Variants in DPP6 observed in about 807,000 individuals in gnomAD.
DPP6 encodes A-type potassium channel modulatory protein DPP6.
Under a neutral mutation model 122.6 loss-of-function variants are expected in DPP6, and 69 were observed. That is an observed-to-expected ratio of 0.56 (90% confidence interval 0.46 to 0.69). The LOEUF (loss-of-function observed/expected upper bound fraction) is 0.69. Among genes scored for constraint, DPP6 ranks in the 30% least tolerant of loss-of-function variants. The pLI, the probability that DPP6 is intolerant of heterozygous loss-of-function variation, is 0.00. For synonymous variants in DPP6, 418 were observed against 433.1 expected (o/e 0.97, Z 0.43); for missense variants, 928 against 1,116.9 (o/e 0.83, Z 2.41).
intron 1 of DPP6, among the ~76,000 whole-genome samples, chr7:154,006,097 T>G (rs1363453500): frequency 6.6e-6 from 1 of 152,042 alleles, no homozygotes; most frequent in Non-Finnish European, 1.5e-5. Context: ...ACCTTACTGA[T>G]AGGTTAGTGC....
At chr7:154,778,034 C>G (rs563677387) in intron 10 of DPP6, among the ~76,000 whole-genome samples, 4 of 152,274 alleles carry the variant, frequency 2.6e-5, no homozygotes, top group African/African-American at 9.6e-5. Flanking sequence ...AACTTTAGTC[C>G]CTACTCCCAT....
At chr7:154,201,252 C>T (rs1357985506) in intron 1 of DPP6, among the ~76,000 whole-genome samples, 1 of 152,158 alleles carries the variant, frequency 6.6e-6, no homozygotes, top group Non-Finnish European at 1.5e-5. Context: ...CTCAGCCTGC[C>T]GAGTAGCTGG....
At chr7:154,794,882 G>A (rs1459420630) in intron 11 of DPP6, among the ~76,000 whole-genome samples, 1 of 4,944 alleles carries the variant, frequency 2.0e-4, no homozygotes, top group African/African-American at 6.4e-4. Flanking sequence ...ATACATTCAG[G>A]CAGGCCTTTC....
At chr7:154,388,300 T>C (rs1398193736) in intron 1 of DPP6, among the ~76,000 whole-genome samples, 2 of 152,154 alleles carry the variant, frequency 1.3e-5, no homozygotes, top group Non-Finnish European at 1.5e-5. Flanking sequence ...AAATATATAG[T>C]GATTGAATGA....
the DPP6 span, among the ~76,000 whole-genome samples, chr7:153,774,402 A>C: frequency 1.3e-5 from 2 of 152,194 alleles, no homozygotes; most frequent in African/African-American, 4.8e-5. Context: ...ATGATTCTAG[A>C]ACAAATCAGC....
At chr7:154,041,575 G>A (rs1799766738) in intron 1 of DPP6, among the ~76,000 whole-genome samples, 2 of 152,202 alleles carry the variant, frequency 1.3e-5, no homozygotes, top group African/African-American at 2.4e-5. Context: ...AACCAGGTGT[G>A]CAGTGTGTCC....
chr7:154,249,805 T>G (rs1193541222), intron 1 of DPP6, among the ~76,000 whole-genome samples: 1 of 152,112 alleles, frequency 6.6e-6, no homozygotes, highest in Non-Finnish European at 1.5e-5. Flanking sequence ...GAATTTTGTC[T>G]CAGATCCTCT....
At chr7:154,406,489 A>G (rs1385190002) in intron 1 of DPP6, among the ~76,000 whole-genome samples, 2 of 151,542 alleles carry the variant, frequency 1.3e-5, no homozygotes, top group Non-Finnish European at 2.9e-5. Context: ...ACACACACAC[A>G]CATGCACACA....
intron 16 of DPP6, chr7:154,838,270 G>A (rs937140376): frequency 8.5e-5 from 13 of 152,188 alleles, no homozygotes; most frequent in Non-Finnish European, 1.5e-4. Flanking sequence ...TCCAAGATCC[G>A]CTAATCCAAA....
intron 3 of DPP6, among the ~76,000 whole-genome samples, chr7:154,495,389 GTTTT>G (rs34693163): frequency 6.7e-6 from 1 of 148,334 alleles, no homozygotes; most frequent in Admixed American, 6.7e-5. Context: ...GTTTGTTGTG[GTTTT>G]TTTTTTTTTG....
intron 7 of DPP6, among the ~76,000 whole-genome samples, chr7:154,675,088 T>C (rs755488471): frequency 2.0e-5 from 3 of 152,160 alleles, no homozygotes; most frequent in Non-Finnish European, 4.4e-5. Context: ...TCGGAGAACG[T>C]CAATAAATCC....
At chr7:153,978,307 A>G (rs1222582064) in intron 1 of DPP6, among the ~76,000 whole-genome samples, 3 of 152,206 alleles carry the variant, frequency 2.0e-5, no homozygotes, top group African/African-American at 7.2e-5. Context: ...ATGACCAGTG[A>G]TGGTGAGATT....
intron 10 of DPP6, among the ~76,000 whole-genome samples, chr7:154,782,334 T>C (rs967855700): frequency 1.3e-5 from 2 of 152,258 alleles, no homozygotes; most frequent in African/African-American, 4.8e-5. Context: ...AATATGACCA[T>C]CTATTTTCTG....
chr7:154,183,732 C>T (rs1798212638), intron 1 of DPP6, among the ~76,000 whole-genome samples: 1 of 152,190 alleles, frequency 6.6e-6, no homozygotes, highest in Non-Finnish European at 1.5e-5. Context: ...ACCACAACAC[C>T]GGATAGAAAC....
chr7:154,589,873 C>T (rs1278644973), intron 5 of DPP6, among the ~76,000 whole-genome samples: 1 of 152,218 alleles, frequency 6.6e-6, no homozygotes, highest in Non-Finnish European at 1.5e-5. Flanking sequence ...CCTTCATTCA[C>T]CTCATTAGAT....
chr7:154,795,183 A>G (rs961245957), intron 11 of DPP6, among the ~76,000 whole-genome samples: 5 of 152,198 alleles, frequency 3.3e-5, no homozygotes, highest in Non-Finnish European at 5.9e-5. Context: ...CTTGAGTGTC[A>G]GTGGCAAACA....
chr7:154,154,008 G>C (rs1398928871), intron 1 of DPP6, among the ~76,000 whole-genome samples: 1 of 152,094 alleles, frequency 6.6e-6, no homozygotes, highest in East Asian at 1.9e-4. Flanking sequence ...TCCTCGATCA[G>C]CCCAAGCATG....
intron 2 of DPP6, among the ~76,000 whole-genome samples, chr7:154,469,766 G>A (rs1239715728): frequency 1.3e-5 from 2 of 152,180 alleles, no homozygotes; most frequent in African/African-American, 2.4e-5. Context: ...AAATATAATT[G>A]GAAGTCTTGT....
intron 20 of DPP6, 97 bp from the exon 21 acceptor site, chr7:154,880,791 T>C: frequency 1.9e-6 from 3 of 1,603,806 alleles, no homozygotes; most frequent in Non-Finnish European, 2.6e-6. Flanking sequence ...GGGGTTTTCA[T>C]CCTTGAAATG....
Sources: gnomAD v4.1 joint callset for allele counts (sites outside exome capture counted in the v4.1 genomes callset) on GRCh38, gnomAD v4.1.1 for gene constraint, MANE v1.5 for transcripts, NCBI Gene and HGNC (gene_info 2026-07-23, HGNC 2026-07-21) for gene names.